CHRM3: variants seen among roughly 807,000 people sequenced by gnomAD.
The protein encoded by CHRM3 is cholinergic receptor muscarinic 3.
CHRM3 carries 11 observed loss-of-function variants against 41.8 expected under a neutral mutation model. The ratio of observed to expected loss-of-function variants is 0.26; its 90% CI spans 0.17 to 0.44. CHRM3 has a LOEUF of 0.44. CHRM3 is among the 20% of genes least tolerant of loss of function. The probability of loss-of-function intolerance (pLI) is 1.00; values close to 1 mark genes in which losing one functional copy is unlikely to be tolerated. For synonymous variants in CHRM3, 297 were observed against 301.4 expected, an observed-to-expected ratio of 0.99 and a Z score of 0.15; for missense variants, 571 against 745.4, an observed-to-expected ratio of 0.77 and a Z score of 2.72.
intron 1 of CHRM3, among the ~76,000 whole-genome samples, chr1:239,459,607 A>G (rs780180778): frequency 9.8e-5 from 15 of 152,318 alleles, no homozygotes; most frequent in Non-Finnish European, 1.9e-4. Context: ...AATGAAAGCA[A>G]CATTCATTAA....
At chr1:239,419,385 G>T (rs1197527174) in intron 1 of CHRM3, among the ~76,000 whole-genome samples, 2 of 140,180 alleles carry the variant, frequency 1.4e-5, no homozygotes, top group Admixed American at 7.2e-5. Context: ...TTTTTAAACA[G>T]ATTAACCTTT....
chr1:239,747,150 A>T (rs1044499037), intron 5 of CHRM3, among the ~76,000 whole-genome samples: 1 of 152,208 alleles, frequency 6.6e-6, no homozygotes, highest in Non-Finnish European at 1.5e-5. Flanking sequence ...CTTTTATATC[A>T]TGTAAAAATA....
At chr1:239,847,719 C>T (rs1161132795) in intron 6 of CHRM3, among the ~76,000 whole-genome samples, 9 of 151,740 alleles carry the variant, frequency 5.9e-5, no homozygotes, top group African/African-American at 9.7e-5. Context: ...CATACATATA[C>T]ACACACACAC....
intron 3 of CHRM3, among the ~76,000 whole-genome samples, chr1:239,601,916 A>G (rs1464171496): frequency 6.6e-6 from 1 of 151,820 alleles, no homozygotes; most frequent in African/African-American, 2.4e-5. Flanking sequence ...TCCGTCTTTC[A>G]TCTCACGATA....
intron 6 of CHRM3, among the ~76,000 whole-genome samples, chr1:239,864,862 C>T (rs12072031): frequency 0.031 from 4,755 of 152,186 alleles, 257 homozygotes; most frequent in African/African-American, 0.11. Context: ...GGCATGGTGA[C>T]ACATTAATGT....
At chr1:239,771,004 C>G (rs372748403) in intron 5 of CHRM3, among the ~76,000 whole-genome samples, 1 of 151,592 alleles carries the variant, frequency 6.6e-6, no homozygotes, top group Non-Finnish European at 1.5e-5. Context: ...AGGGGAATTG[C>G]TTTAACCTGG....
Position 239,891,584 on chromosome 1 carries a change from G to A in CHRM3, c.-19-15849G>A, listed in dbSNP as rs565139241. 5.3e-5 allele frequency among the ~76,000 whole-genome samples: 8 copies of A among 152,222 alleles called. No homozygotes were observed. The East Asian group carries it at 7.7e-4, about 15-fold the overall frequency. On this transcript the variant is annotated intron_variant, in intron 6 of 6. Coordinates refer to ENST00000676153, the MANE Select transcript of CHRM3 (RefSeq NM_001375978.1). The stretch of plus-strand genomic sequence containing the variant: ...CTAATATACATATTTAATAAGCTAT[G>A]GGAAGCATCATTAATATTTAGGAAT...
At chr1:239,591,133 A>G (rs1664096502) in intron 3 of CHRM3, among the ~76,000 whole-genome samples, 1 of 152,196 alleles carries the variant, frequency 6.6e-6, no homozygotes, top group African/African-American at 2.4e-5. Flanking sequence ...ATTTATCTCT[A>G]GGCTAGCCCT....
intron 5 of CHRM3, among the ~76,000 whole-genome samples, chr1:239,728,034 A>C (rs1217429890): frequency 1.3e-5 from 2 of 151,978 alleles, no homozygotes; most frequent in East Asian, 3.9e-4. Flanking sequence ...TTTTCACACA[A>C]TGCTGGTAGG....
intron 6 of CHRM3, among the ~76,000 whole-genome samples, chr1:239,905,723 T>G (rs1307586477): frequency 6.6e-6 from 1 of 152,088 alleles, no homozygotes; most frequent in Non-Finnish European, 1.5e-5. Context: ...ATAAATAAGA[T>G]AATGCATATG....
chr1:239,785,675 T>A (rs975521438), intron 5 of CHRM3, among the ~76,000 whole-genome samples: 1 of 152,180 alleles, frequency 6.6e-6, no homozygotes, highest in South Asian at 2.1e-4. Flanking sequence ...CTCAGCTTAG[T>A]TTTGCCTTGG....
chr1:239,467,086 C>T (rs1168473661), intron 1 of CHRM3, among the ~76,000 whole-genome samples: 3 of 151,966 alleles, frequency 2.0e-5, no homozygotes, highest in Non-Finnish European at 2.9e-5. Flanking sequence ...CTAAATTTTT[C>T]TCTGGTTATT....
At chr1:239,563,549 T>C (rs1394751391) in intron 3 of CHRM3, among the ~76,000 whole-genome samples, 1 of 152,208 alleles carries the variant, frequency 6.6e-6, no homozygotes, top group Non-Finnish European at 1.5e-5. Context: ...TCAATAATCA[T>C]GAAGAATTCC....
At chr1:239,426,037 G>C (rs79705905) in intron 1 of CHRM3, among the ~76,000 whole-genome samples, 7,368 of 151,204 alleles carry the variant, frequency 0.049, 577 homozygotes, top group African/African-American at 0.17. Context: ...TGTGCACAAC[G>C]TGCAGGTTAG....
chr1:239,458,750 C>T (rs1402616942), intron 1 of CHRM3, among the ~76,000 whole-genome samples: 1 of 152,140 alleles, frequency 6.6e-6, no homozygotes, highest in Non-Finnish European at 1.5e-5. Flanking sequence ...CATTAGTTTT[C>T]ACTGCATAAG....
intron 5 of CHRM3, among the ~76,000 whole-genome samples, chr1:239,689,634 T>C (rs996638664): frequency 2.0e-5 from 3 of 152,222 alleles, no homozygotes; most frequent in African/African-American, 7.2e-5. Context: ...TTGCTTTCTC[T>C]TTCTCAGAGA....
At chr1:239,685,546 G>A (rs1425112554) in intron 5 of CHRM3, among the ~76,000 whole-genome samples, 1 of 152,142 alleles carries the variant, frequency 6.6e-6, no homozygotes, top group East Asian at 1.9e-4. Context: ...TTCTGGACCA[G>A]GTGCAGTGGC....
chr1:239,743,522 T>A (rs963659293), intron 5 of CHRM3, among the ~76,000 whole-genome samples: 6 of 151,960 alleles, frequency 3.9e-5, no homozygotes, highest in Admixed American at 1.3e-4. Context: ...GTGCCAGGAG[T>A]CTTGCGGGCA....
At chr1:239,738,471 G>A (rs111945599) in intron 5 of CHRM3, among the ~76,000 whole-genome samples, 10 of 152,120 alleles carry the variant, frequency 6.6e-5, no homozygotes, top group Non-Finnish European at 1.3e-4. Flanking sequence ...CCAGGCTCAG[G>A]GGGGGTTTGG....
Sources: gnomAD v4.1 joint callset for allele counts (sites outside exome capture counted in the v4.1 genomes callset) on GRCh38, gnomAD v4.1.1 for gene constraint, MANE v1.5 for transcripts, NCBI Gene and HGNC (gene_info 2026-07-23, HGNC 2026-07-21) for gene names.